TMEM200A: variants seen among roughly 807,000 people sequenced by gnomAD.
TMEM200A encodes the protein transmembrane protein 200A.
Under a neutral mutation model 24.3 loss-of-function variants are expected in TMEM200A, and 12 were observed. That is an observed-to-expected ratio of 0.49 (90% CI 0.32 to 0.80). The LOEUF (loss-of-function observed/expected upper bound fraction) is 0.80, where lower values mean the gene tolerates loss of function less well. TMEM200A is among the 30% of genes least tolerant of loss of function. TMEM200A has a pLI of 0.04. For missense variants in TMEM200A, 545 were observed against 614.4 expected (o/e 0.89, Z 1.19); for synonymous variants, 224 against 224.4 (o/e 1.00, Z 0.02).
At chr6:130,379,673 G>A (rs561107868) in intron 1 of TMEM200A, among the ~76,000 whole-genome samples, 18 of 152,328 alleles carry the variant, frequency 1.2e-4, no homozygotes, top group African/African-American at 4.3e-4. Flanking sequence ...GGTGTGACTA[G>A]TTAGGGCATG....
At position 130,436,437 on chromosome 6, in the gene TMEM200A, C is replaced by A. The variant is rs183385345; in HGVS notation, c.-16-3970C>A. On this transcript the variant is annotated intron_variant, in intron 2 of 2. Transcript: ENST00000296978. ...ACATGCAAAACAAAACAAAAAAAAACAGTCATAAAAGTGTAGGATGGAGGG... is the reference window on the plus strand; with the variant it reads ...ACATGCAAAACAAAACAAAAAAAAAAAGTCATAAAAGTGTAGGATGGAGGG... Among the ~76,000 whole-genome samples the A allele has an allele frequency of 1.2e-3, 172 of 142,336 alleles. 4 individuals carry two copies. In the East Asian group the frequency reaches 0.028, roughly 23 times the overall value. The allele number at this position is 142,336 out of a possible 152,430, so 93.4% of individuals were successfully genotyped here.
chr6:130,370,983 T>C (rs1778308737), intron 1 of TMEM200A, among the ~76,000 whole-genome samples: 1 of 152,170 alleles, frequency 6.6e-6, no homozygotes. Context: ...AGGCACAGAT[T>C]AGGATTTTCA....
rs78610349 is a variant in TMEM200A, at chr6:130,391,242, T to A, written c.-17+6006T>A. On this transcript the variant is annotated intron_variant, in intron 2 of 2. Transcript: ENST00000296978. The stretch of plus-strand genomic sequence containing the variant: ...GTTTAAGAAATACTTAAAGAAGTTA[T>A]CAGTTATAATACCTATGTTGATTCA... Among the ~76,000 whole-genome samples the A allele has an allele frequency of 4.1e-3, 632 of 152,322 alleles. 7 individuals carry two copies. The highest frequency in any genetic ancestry group is 0.014 in the African/African-American group (588 of 41,560).
At chr6:130,365,850 A>G (rs1475491811), upstream of TMEM200A, 1 of 985,376 alleles carries the variant, frequency 1.0e-6, no homozygotes, top group Non-Finnish European at 1.2e-6. Context: ...GTCCTCCAGG[A>G]GGAGTGGGTG....
At chr6:130,397,297 C>T (rs1778973936) in intron 2 of TMEM200A, among the ~76,000 whole-genome samples, 2 of 152,032 alleles carry the variant, frequency 1.3e-5, no homozygotes, top group South Asian at 2.1e-4. Flanking sequence ...TTAAACTTAA[C>T]TAATAATTGC....
intron 1 of TMEM200A, among the ~76,000 whole-genome samples, chr6:130,382,440 C>A (rs1303704398): frequency 6.6e-6 from 1 of 152,188 alleles, no homozygotes; most frequent in Non-Finnish European, 1.5e-5. Flanking sequence ...TTCTTCTAGA[C>A]CCACCTTGAA....
At chr6:130,388,946 G>C (rs1167965247) in intron 2 of TMEM200A, among the ~76,000 whole-genome samples, 1 of 151,968 alleles carries the variant, frequency 6.6e-6, no homozygotes, top group Non-Finnish European at 1.5e-5. Context: ...ATCATGTTTT[G>C]AACAATGATT....
At chr6:130,427,369 T>C (rs1779769026) in intron 2 of TMEM200A, among the ~76,000 whole-genome samples, 1 of 152,178 alleles carries the variant, frequency 6.6e-6, no homozygotes, top group Non-Finnish European at 1.5e-5. Context: ...TTTTAGTATA[T>C]ATTAATCCTT....
At chr6:130,439,009 A>C (rs1436947096) in intron 2 of TMEM200A, 1 of 152,228 alleles carries the variant, frequency 6.6e-6, no homozygotes, top group East Asian at 1.9e-4. Flanking sequence ...GAAATGGTAC[A>C]AAATGGAATA....
chr6:130,368,242 C>T (rs1583165678), intron 1 of TMEM200A, among the ~76,000 whole-genome samples: 1 of 152,146 alleles, frequency 6.6e-6, no homozygotes, highest in Non-Finnish European at 1.5e-5. Flanking sequence ...ATAGAGGGAA[C>T]GGATCTGAAC....
chr6:130,370,103 C>G (rs1017189396), intron 1 of TMEM200A, among the ~76,000 whole-genome samples: 77 of 152,316 alleles, frequency 5.1e-4, no homozygotes, highest in African/African-American at 1.8e-3. Flanking sequence ...GGTTCTTTCT[C>G]TCTCTCCCCA....
At chr6:130,423,648 A>T (rs961870667) in intron 2 of TMEM200A, among the ~76,000 whole-genome samples, 1 of 152,126 alleles carries the variant, frequency 6.6e-6, no homozygotes, top group African/African-American at 2.4e-5. Flanking sequence ...AACATCTGTC[A>T]GTTTGGGGTG....
At chr6:130,399,092 C>T (rs74900521) in intron 2 of TMEM200A, among the ~76,000 whole-genome samples, 4,205 of 152,046 alleles carry the variant, frequency 0.028, 186 homozygotes, top group African/African-American at 0.095. Context: ...TTTTTCTCAA[C>T]ACCCTGAAGT....
At chr6:130,397,493 C>T (rs555657127) in intron 2 of TMEM200A, among the ~76,000 whole-genome samples, 1 of 152,088 alleles carries the variant, frequency 6.6e-6, no homozygotes, top group East Asian at 1.9e-4. Context: ...CCTTTTCATC[C>T]TTAATAATGT....
intron 2 of TMEM200A, among the ~76,000 whole-genome samples, chr6:130,407,055 T>C (rs1779223327): frequency 6.6e-6 from 1 of 152,192 alleles, no homozygotes; most frequent in Non-Finnish European, 1.5e-5. Context: ...AGTTTTCCTT[T>C]TATTTTCATA....
chr6:130,403,895 G>C (rs1779146406), intron 2 of TMEM200A, among the ~76,000 whole-genome samples: 1 of 151,946 alleles, frequency 6.6e-6, no homozygotes, highest in Non-Finnish European at 1.5e-5. Context: ...TCATCATTTA[G>C]CTCTCACTTA....
intron 2 of TMEM200A, among the ~76,000 whole-genome samples, chr6:130,398,893 A>G (rs918425894): frequency 6.6e-6 from 1 of 151,938 alleles, no homozygotes. Flanking sequence ...ATTGCCTCTC[A>G]TATCTCATTT....
In TMEM200A at chr6:130,385,230, T is replaced by C. The variant is rs1778685247; in HGVS notation, c.-23T>C. On this transcript the variant is annotated 5_prime_UTR_variant, in exon 2 of 3. Coordinates refer to ENST00000296978, the MANE Select transcript of TMEM200A (RefSeq NM_001258277.2). ...CAAGGGATTTCCTGGGACATCTGGC[T>C]CTGGAGGTGAGCGACAGCAGGGAAT... 1 of 152,200 alleles carries C rather than the reference T, an allele frequency of 6.6e-6. No homozygotes were observed. Among genetic ancestry groups the C allele is most frequent in the East Asian group, 1.9e-4 (1 of 5,194 alleles). 9.4% of individuals were successfully genotyped at this position (152,200 alleles called of 1,614,324 possible).
At position 130,399,564 on chromosome 6, in the gene TMEM200A, CAA is replaced by C. The variant is rs567162926; in HGVS notation, c.-17+14330_-17+14331del. 1.5e-3 allele frequency among the ~76,000 whole-genome samples: 235 copies of C among 151,796 alleles called. 1 individual carries two copies. In the Middle Eastern group the frequency reaches 0.027, roughly 18 times the overall value. ...AATTTATTATTATATTTTTATTCGACAAATTTTGTTTAAAAACACCATTTCTT... is the reference window on the plus strand; with the variant it reads ...AATTTATTATTATATTTTTATTCGACATTTTGTTTAAAAACACCATTTCTT... On this transcript the variant is annotated intron_variant, in intron 2 of 2. Coordinates refer to ENST00000296978, the MANE Select transcript of TMEM200A (RefSeq NM_001258277.2).
Sources: allele counts gnomAD v4.1 joint callset (sites outside exome capture counted in the v4.1 genomes callset), GRCh38; gene constraint gnomAD v4.1.1; transcripts MANE v1.5; gene names NCBI Gene and HGNC (gene_info 2026-07-23, HGNC 2026-07-21).